F13A1: variants seen among roughly 807,000 people sequenced by gnomAD.
F13A1 encodes coagulation factor XIII A chain, also known as FSF, A subunit.
In F13A1, 47 loss-of-function variants were observed where a neutral mutation model predicts 80.1. The observed-to-expected ratio is 0.59, with a 90% CI of 0.46 to 0.75. F13A1 has a LOEUF of 0.75. Among genes scored for constraint, F13A1 ranks in the 30% least tolerant of loss-of-function variants. F13A1 has a pLI of 0.00. For missense variants in F13A1, 817 were observed against 930.4 expected (o/e 0.88, Z 1.59); for synonymous variants, 349 against 344.9 (o/e 1.01, Z -0.13).
intron 3 of F13A1, among the ~76,000 whole-genome samples, chr6:6,271,574 C>T (rs1194598139): frequency 6.6e-6 from 1 of 152,186 alleles, no homozygotes; most frequent in Non-Finnish European, 1.5e-5. Flanking sequence ...AAAAAGACAT[C>T]GGGAAAGACA....
intron 6 of F13A1, among the ~76,000 whole-genome samples, chr6:6,229,751 A>AC (rs576475637): frequency 1.3e-4 from 19 of 151,896 alleles, no homozygotes; most frequent in South Asian, 4.2e-4. Context: ...GACCCGAGAG[A>AC]CCCCCCCAAA....
intron 4 of F13A1, among the ~76,000 whole-genome samples, chr6:6,263,918 A>G (rs1300870488): frequency 1.3e-5 from 2 of 152,166 alleles, no homozygotes; most frequent in East Asian, 3.8e-4. Context: ...TTAGTTTATC[A>G]TCATCTTTGT....
At chr6:6,285,500 G>C (rs1156718014) in intron 3 of F13A1, among the ~76,000 whole-genome samples, 2 of 152,190 alleles carry the variant, frequency 1.3e-5, no homozygotes, top group Admixed American at 6.5e-5. Context: ...GCCAGAGATG[G>C]GCAGCACATT....
intron 10 of F13A1, among the ~76,000 whole-genome samples, chr6:6,194,227 T>G (rs879400865): frequency 6.6e-6 from 1 of 151,994 alleles, no homozygotes; most frequent in African/African-American, 2.4e-5. Context: ...CAGTGAAAAC[T>G]CTCCCTCACT....
At chr6:6,287,138 G>A (rs956657745) in intron 3 of F13A1, among the ~76,000 whole-genome samples, 1 of 152,202 alleles carries the variant, frequency 6.6e-6, no homozygotes, top group African/African-American at 2.4e-5. Flanking sequence ...TCTTTAGTGG[G>A]CTGTAATTCC....
At position 6,305,447 on chromosome 6, in the gene F13A1, G is replaced by C. The variant is rs1200131413; in HGVS notation, c.223C>G (p.Leu75Val). Residue 75 changes from leucine (L) to valine (V), a missense_variant, in exon 3 of 15, where the codon CTG (leucine) becomes GTG (valine). By Grantham distance (32) the Leu-to-Val change is conservative. Coordinates refer to ENST00000264870, the MANE Select transcript of F13A1 (RefSeq NM_000129.4). ...HHTDKYENNK[L>V]IVRRGQSFYV... ...AAAGACTGCCCTCTGCGGACAATCAGCTTGTTGTTTTCATACTTGTCAGTG... is the reference window on the plus strand; with the variant it reads ...AAAGACTGCCCTCTGCGGACAATCACCTTGTTGTTTTCATACTTGTCAGTG... 1 of 1,614,226 alleles carries C rather than the reference G, an allele frequency of 6.2e-7. No homozygotes were observed. Among genetic ancestry groups the C allele is most frequent in the Non-Finnish European group, 8.5e-7 (1 of 1,180,036 alleles).
intron 4 of F13A1, among the ~76,000 whole-genome samples, chr6:6,262,943 C>T (rs1317141407): frequency 6.6e-6 from 1 of 152,138 alleles, no homozygotes; most frequent in Non-Finnish European, 1.5e-5. Context: ...TTAAAAAACC[C>T]CAAAGCCCAG....
At chr6:6,191,911 G>A (rs541551005) in intron 10 of F13A1, among the ~76,000 whole-genome samples, 1 of 152,350 alleles carries the variant, frequency 6.6e-6, no homozygotes, top group Admixed American at 6.5e-5. Context: ...GTTGGAGGAT[G>A]AAAACAACAG....
At chr6:6,206,968 A>G (rs1457834255) in intron 8 of F13A1, among the ~76,000 whole-genome samples, 1 of 151,802 alleles carries the variant, frequency 6.6e-6, no homozygotes, top group Non-Finnish European at 1.5e-5. Context: ...TGGCAGAGTA[A>G]GGACTACTGG....
At chr6:6,213,250 A>T (rs1458756457) in intron 8 of F13A1, among the ~76,000 whole-genome samples, 9 of 151,726 alleles carry the variant, frequency 5.9e-5, no homozygotes, top group Non-Finnish European at 1.2e-4. Flanking sequence ...AGTTGAAATG[A>T]AGGAAAAAAT....
intron 10 of F13A1, among the ~76,000 whole-genome samples, chr6:6,183,664 T>C (rs1028834508): frequency 6.6e-6 from 1 of 152,192 alleles, no homozygotes; most frequent in African/African-American, 2.4e-5. Flanking sequence ...AAGTACAAGA[T>C]ACTTTGGGAG....
At chr6:6,276,014 G>A (rs1031618363) in intron 3 of F13A1, among the ~76,000 whole-genome samples, 4 of 152,146 alleles carry the variant, frequency 2.6e-5, no homozygotes, top group African/African-American at 9.7e-5. Flanking sequence ...ATTCAATTCC[G>A]AAGGACCAGG....
chr6:6,252,220 TA>T (rs1488853466), intron 4 of F13A1, among the ~76,000 whole-genome samples: 1 of 152,228 alleles, frequency 6.6e-6, no homozygotes, highest in Non-Finnish European at 1.5e-5. Context: ...GGAAAAGATT[TA>T]AGTGACATAC....
At chr6:6,206,264 T>A (rs140996901) in intron 8 of F13A1, 2 of 317,430 alleles carry the variant, frequency 6.3e-6, no homozygotes, top group Non-Finnish European at 1.2e-5. Context: ...CCAAAAGGAA[T>A]TACATTACAT....
chr6:6,271,838 C>T (rs1757925667), intron 3 of F13A1, among the ~76,000 whole-genome samples: 1 of 152,196 alleles, frequency 6.6e-6, no homozygotes, highest in African/African-American at 2.4e-5. Flanking sequence ...TGCCTATATT[C>T]GAATGTCTCA....
chr6:6,147,367 T>C (rs1265544834), intron 14 of F13A1, among the ~76,000 whole-genome samples: 1 of 152,244 alleles, frequency 6.6e-6, no homozygotes, highest in East Asian at 1.9e-4. Flanking sequence ...AGGTTTTATT[T>C]CTCAAGCAGG....
chr6:6,300,441 C>G (rs1396241273), intron 3 of F13A1, among the ~76,000 whole-genome samples: 1 of 151,886 alleles, frequency 6.6e-6, no homozygotes, highest in African/African-American at 2.4e-5. Context: ...ATATAATCTC[C>G]TGATGCGCCG....
intron 12 of F13A1, among the ~76,000 whole-genome samples, chr6:6,170,841 C>A (rs910197365): frequency 2.1e-4 from 32 of 152,092 alleles, no homozygotes; most frequent in African/African-American, 7.2e-4. Context: ...CAATACACTG[C>A]AATTTAATTT....
intron 13 of F13A1, among the ~76,000 whole-genome samples, chr6:6,154,249 G>A (rs942341371): frequency 4.6e-5 from 7 of 151,978 alleles, no homozygotes; most frequent in African/African-American, 1.5e-4. Context: ...AATGGATAAG[G>A]CCTAATGGGG....
Sources: allele counts gnomAD v4.1 joint callset (sites outside exome capture counted in the v4.1 genomes callset), GRCh38; gene constraint gnomAD v4.1.1; transcripts MANE v1.5; gene names NCBI Gene and HGNC (gene_info 2026-07-23, HGNC 2026-07-21).